The following TTC34 variants were observed in gnomAD, a reference collection of about 807,000 sequenced individuals.
TTC34 encodes the protein tetratricopeptide repeat domain 34, also known as tetratricopeptide repeat protein 34.
In TTC34, 44 loss-of-function variants were observed where a neutral mutation model predicts 40.7. The observed-to-expected ratio is 1.08, with a 90% CI of 0.85 to 1.39. The LOEUF (loss-of-function observed/expected upper bound fraction) is 1.39. TTC34 is among the 40% of genes most tolerant of loss of function. TTC34 has a pLI of 0.00. For synonymous variants in TTC34, 422 were observed against 398.6 expected (o/e 1.06, Z -0.70); for missense variants, 884 against 838.0 (o/e 1.05, Z -0.68).
At chr1:2,790,018 G>A (rs1569969986) in exon 3 of TTC34, 2 of 395,488 alleles carry the variant, frequency 5.1e-6, no homozygotes, top group African/African-American at 2.1e-5. Context: ...CTCCCAGCGC[G>A]GGTCGCGCCC....
At chr1:2,753,355 A>G (rs1641391009) in intron 6 of TTC34, among the ~76,000 whole-genome samples, 4 of 125,016 alleles carry the variant, frequency 3.2e-5, no homozygotes, top group South Asian at 2.9e-4. Context: ...AGCATCTGAC[A>G]GCCTAGAACA....
exon 5 of TTC34, chr1:2,785,955 G>A (rs147617048): frequency 7.8e-5 from 118 of 1,519,432 alleles, no homozygotes; most frequent in African/African-American, 2.8e-4. Flanking sequence ...GCCGGTCCTC[G>A]TGGCAGAAGA....
chr1:2,789,159 C>T (rs1557691858), intron 3 of TTC34, among the ~76,000 whole-genome samples: 1 of 152,096 alleles, frequency 6.6e-6, no homozygotes, highest in African/African-American at 2.4e-5. Context: ...CAGGTCGGGG[C>T]GGTGCTGCCG....
chr1:2,756,621 C>A (rs1641514158), intron 6 of TTC34, among the ~76,000 whole-genome samples: 1 of 152,206 alleles, frequency 6.6e-6, no homozygotes, highest in African/African-American at 2.4e-5. Flanking sequence ...GGAACAGCAC[C>A]CACACCCCCA....
At chr1:2,781,700 C>G (rs1293588715) in intron 6 of TTC34, among the ~76,000 whole-genome samples, 1 of 151,992 alleles carries the variant, frequency 6.6e-6, no homozygotes, top group African/African-American at 2.4e-5. Flanking sequence ...TCCTTCTATT[C>G]CTAGTTTGTT....
At chr1:2,652,358 A>ATC (rs1201768123) in intron 6 of TTC34, among the ~76,000 whole-genome samples, 1 of 151,542 alleles carries the variant, frequency 6.6e-6, no homozygotes, top group Non-Finnish European at 1.5e-5. Context: ...CTGGAACAGC[A>ATC]CGCACACCCC....
At chr1:2,759,539 G>C (rs1641622458) in intron 6 of TTC34, among the ~76,000 whole-genome samples, 3 of 147,404 alleles carry the variant, frequency 2.0e-5, no homozygotes, top group Non-Finnish European at 3.0e-5. Context: ...GCATCTGACA[G>C]CCTGGAACAG....
At chr1:2,761,109 A>G (rs1641672171) in intron 6 of TTC34, among the ~76,000 whole-genome samples, 1 of 56,490 alleles carries the variant, frequency 1.8e-5, no homozygotes. Context: ...GACATCCTGG[A>G]GCATCACATA....
intron 6 of TTC34, among the ~76,000 whole-genome samples, chr1:2,652,333 T>C (rs953034077): frequency 0.016 from 318 of 19,724 alleles, no homozygotes; most frequent in Middle Eastern, 0.056. Flanking sequence ...CACCCCCAGG[T>C]GAGCATCTGA....
At chr1:2,794,118 G>T (rs1205728738) in intron 2 of TTC34, among the ~76,000 whole-genome samples, 1 of 152,040 alleles carries the variant, frequency 6.6e-6, no homozygotes, top group Non-Finnish European at 1.5e-5. Flanking sequence ...ATGTCAGTCT[G>T]GTAAGTAGCT....
At position 2,752,273 on chromosome 1, in the gene TTC34, T is replaced by A. The variant is rs1178398601; in HGVS notation, c.2226+31336A>T. ...ATGCCCAGCTGAGCCTCTGACAGCCTGGAACAGCACCTTGCACCCCCAGGG... is the reference window on the plus strand; with the variant it reads ...ATGCCCAGCTGAGCCTCTGACAGCCAGGAACAGCACCTTGCACCCCCAGGG... On this transcript the variant is annotated intron_variant, in intron 6 of 8. Coordinates refer to ENST00000401095, the Ensembl canonical transcript of TTC34. 2.7e-3 allele frequency among the ~76,000 whole-genome samples: 271 copies of A among 101,256 alleles called. 89 individuals carry two copies. Among genetic ancestry groups the A allele is most frequent in the African/African-American group, 0.013 (262 of 20,454 alleles). The allele number at this position is 101,256 out of a possible 152,430, so 66.4% of individuals were successfully genotyped here.
intron 6 of TTC34, among the ~76,000 whole-genome samples, chr1:2,690,440 G>C (rs1440809411): frequency 5.8e-3 from 740 of 128,046 alleles, no homozygotes; most frequent in Middle Eastern, 0.012. Flanking sequence ...GCATCTGACA[G>C]CCTGGAACAG....
chr1:2,752,507 T>TGC (rs1641356421), intron 6 of TTC34, among the ~76,000 whole-genome samples: 1 of 59,474 alleles, frequency 1.7e-5, no homozygotes, highest in African/African-American at 6.9e-5. Context: ...GGTGAGCATC[T>TGC]GACAGCCTGG....
rs1424433761 is a variant in TTC34 at position 2,796,800 on chromosome 1, C to G, written c.784+3244G>C. Among the ~76,000 whole-genome samples, 1 of 152,000 alleles carries G rather than the reference C, an allele frequency of 6.6e-6. No individual in the cohort carries two copies. Among genetic ancestry groups the G allele is most frequent in the Non-Finnish European group, 1.5e-5 (1 of 67,954 alleles). The stretch of plus-strand genomic sequence containing the variant: ...CTTTGTTGATCATTTTCTGGTAATG[C>G]TCAACATATTTGAGCATATTTCCAG... On this transcript the variant is annotated intron_variant, in intron 2 of 8. Transcript: ENST00000401095. This position sits in a 1 kb window ranked among gnomAD's most constrained non-coding sequence, Gnocchi z 4.5.
At position 2,785,522 on chromosome 1, in the gene TTC34, C is replaced by T. The variant is rs532711237; in HGVS notation, c.2059+297G>A. 2.0e-5 allele frequency among the ~76,000 whole-genome samples: 3 copies of T among 152,290 alleles called. No individual in the cohort carries two copies. In the East Asian group the frequency reaches 5.8e-4, roughly 29 times the overall value. On this transcript the variant is annotated intron_variant, in intron 5 of 8. Coordinates refer to ENST00000401095, the Ensembl canonical transcript of TTC34. ...TCCTTGTCATTAGCTAGGAAAGGGG[C>T]CCTTCTCCCCTCAGGACTGGGGGTG...
chr1:2,648,903 C>G (rs1032912070), intron 6 of TTC34, among the ~76,000 whole-genome samples: 3 of 151,172 alleles, frequency 2.0e-5, no homozygotes, highest in Non-Finnish European at 2.9e-5. Context: ...ATCTGACAGC[C>G]AAGGATGGCA....
At chr1:2,749,517 CCCAGATTCCCAG>C (rs1641248717) in intron 6 of TTC34, among the ~76,000 whole-genome samples, 1 of 81,308 alleles carries the variant, frequency 1.2e-5, no homozygotes, top group Non-Finnish European at 2.2e-5. Context: ...TGGAGCAGCA[CCCAGATTCCCAG>C]GCAAGCATCT....
chr1:2,769,624 C>A (rs1217248527), intron 6 of TTC34, among the ~76,000 whole-genome samples: 2 of 136,710 alleles, frequency 1.5e-5, no homozygotes. Flanking sequence ...TGGAACAGCA[C>A]CCACACCCCC....
chr1:2,751,042 C>T (rs1641302446), intron 6 of TTC34, among the ~76,000 whole-genome samples: 1 of 121,734 alleles, frequency 8.2e-6, no homozygotes, highest in Non-Finnish European at 1.7e-5. Flanking sequence ...GAACAGAACC[C>T]ACACCCCCAG....
Sources: gnomAD v4.1 joint callset for allele counts (sites outside exome capture counted in the v4.1 genomes callset) on GRCh38, gnomAD v4.1.1 for gene constraint, Gnocchi (gnomAD v3.1) non-coding constraint, MANE v1.5 for transcripts, NCBI Gene and HGNC (gene_info 2026-07-23, HGNC 2026-07-21) for gene names.